The following RBFOX1 variants were observed in gnomAD, a reference collection of about 807,000 sequenced individuals.
RBFOX1 encodes RNA binding fox-1 homolog 1.
A neutral mutation model predicts 57.7 loss-of-function variants in RBFOX1; 8 were observed. The observed-to-expected ratio is 0.14, with a 90% CI of 0.08 to 0.25. The LOEUF (loss-of-function observed/expected upper bound fraction) is 0.25, where lower values mean the gene tolerates loss of function less well. Among genes scored for constraint, RBFOX1 ranks in the 10% least tolerant of loss-of-function variants. The pLI is 1.00. For missense variants in RBFOX1, 611 were observed against 548.5 expected (o/e 1.11, Z -1.14); for synonymous variants, 326 against 222.4 (o/e 1.47, Z -4.15).
intron 4 of RBFOX1, among the ~76,000 whole-genome samples, chr16:5,985,145 C>G (rs528943692): frequency 9.9e-5 from 15 of 150,910 alleles, no homozygotes; most frequent in African/African-American, 3.7e-4. Flanking sequence ...GCCACCATAC[C>G]CGGCTCATAT....
intron 4 of RBFOX1, among the ~76,000 whole-genome samples, chr16:7,304,918 GTGTGTGT>G (rs2096137984): frequency 3.6e-3 from 3 of 840 alleles, no homozygotes; most frequent in African/African-American, 8.2e-3. Flanking sequence ...GTGGTGTGGT[GTGTGTGT>G]GTGTGTGTGT....
intron 1 of RBFOX1, among the ~76,000 whole-genome samples, chr16:5,240,360 G>C (rs1456818288): frequency 6.6e-6 from 1 of 152,030 alleles, no homozygotes; most frequent in African/African-American, 2.4e-5. Context: ...TCTGCGGCTA[G>C]CCAAAAGGGG....
chr16:5,927,362 T>C (rs570784273), intron 4 of RBFOX1, among the ~76,000 whole-genome samples: 2 of 152,340 alleles, frequency 1.3e-5, no homozygotes, highest in South Asian at 2.1e-4. Context: ...AATTACTTTC[T>C]CACTCTAGGC....
intron 2 of RBFOX1, among the ~76,000 whole-genome samples, chr16:6,569,456 A>T (rs1424143572): frequency 6.6e-6 from 1 of 152,192 alleles, no homozygotes; most frequent in East Asian, 1.9e-4. Flanking sequence ...TCCCACAGCT[A>T]ATCAGTGCCA....
intron 4 of RBFOX1, among the ~76,000 whole-genome samples, chr16:7,499,770 G>A (rs755644547): frequency 5.3e-5 from 8 of 152,022 alleles, no homozygotes; most frequent in Non-Finnish European, 8.8e-5. Flanking sequence ...AATATTTAAT[G>A]TCGATCAGCC....
In RBFOX1 at chr16:5,585,204, G is replaced by A. The variant is rs79350950; in HGVS notation, c.259-13698G>A. Among the ~76,000 whole-genome samples the A allele has an allele frequency of 9.6e-3, 1,455 of 151,558 alleles. 15 individuals carry two copies. Among genetic ancestry groups the A allele is most frequent in the Non-Finnish European group, 0.015 (1,027 of 67,670 alleles). Reference sequence around the variant, plus strand: ...CCCCGTCCCTGGAAATCACTAATCTGTTTTCTGTCTCTACAGGATTGCGTT... The same window carrying A: ...CCCCGTCCCTGGAAATCACTAATCTATTTTCTGTCTCTACAGGATTGCGTT... On this transcript the variant is annotated intron_variant, in intron 2 of 2. Coordinates refer to the RBFOX1 transcript ENST00000585867.
At chr16:7,633,239 G>C (rs2061263613) in intron 11 of RBFOX1, among the ~76,000 whole-genome samples, 1 of 152,112 alleles carries the variant, frequency 6.6e-6, no homozygotes, top group African/African-American at 2.4e-5. Flanking sequence ...CAATTTAAAG[G>C]GTCGATTTTA....
intron 3 of RBFOX1, among the ~76,000 whole-genome samples, chr16:6,928,615 T>G (rs914795298): frequency 2.0e-5 from 3 of 152,148 alleles, no homozygotes; most frequent in South Asian, 4.1e-4. Context: ...ACCCTGTAGC[T>G]CCCAAGGTCT....
intron 4 of RBFOX1, among the ~76,000 whole-genome samples, chr16:7,381,531 T>G (rs2097782274): frequency 6.6e-6 from 1 of 151,984 alleles, no homozygotes; most frequent in Non-Finnish European, 1.5e-5. Context: ...TATTAACAGC[T>G]TCACAGTGTT....
At chr16:7,132,048 G>C (rs1044791170) in intron 4 of RBFOX1, among the ~76,000 whole-genome samples, 1 of 140,686 alleles carries the variant, frequency 7.1e-6, no homozygotes, top group African/African-American at 2.7e-5. Flanking sequence ...CTAGAGCGAA[G>C]TGGCACAATA....
chr16:6,472,440 G>A (rs1291529128), intron 2 of RBFOX1, among the ~76,000 whole-genome samples: 1 of 152,114 alleles, frequency 6.6e-6, no homozygotes, highest in East Asian at 1.9e-4. Context: ...TTCTGCACTT[G>A]GCCCAAGTCA....
At chr16:5,802,648 C>G (rs1368644881) in intron 3 of RBFOX1, among the ~76,000 whole-genome samples, 3 of 152,190 alleles carry the variant, frequency 2.0e-5, no homozygotes, top group African/African-American at 7.2e-5. Flanking sequence ...GAGCTAGACC[C>G]TGCAGATTTC....
intron 1 of RBFOX1, among the ~76,000 whole-genome samples, chr16:6,169,457 C>T (rs2096942230): frequency 6.6e-6 from 1 of 152,094 alleles, no homozygotes; most frequent in South Asian, 2.1e-4. Context: ...AAAAAAGCTT[C>T]AGCCAAATTA....
rs575158191 is a variant in RBFOX1 at position 5,901,603 on chromosome 16, A to T, written c.351+34268A>T. Among the ~76,000 whole-genome samples, 38 of 152,294 alleles carry T rather than the reference A, an allele frequency of 2.5e-4. No individual in the cohort carries two copies. In the South Asian group the frequency reaches 7.7e-3, roughly 31 times the overall value. On this transcript the variant is annotated intron_variant, in intron 4 of 19. Coordinates refer to the RBFOX1 transcript ENST00000641259. ...CCCTCAGCCATAACAGCCCCATTTCAAGCAGTCAGAGGCCTCATGGAGCTC... is the reference window on the plus strand; with the variant it reads ...CCCTCAGCCATAACAGCCCCATTTCTAGCAGTCAGAGGCCTCATGGAGCTC...
intron 6 of RBFOX1, among the ~76,000 whole-genome samples, chr16:7,582,727 G>A (rs1052819662): frequency 6.6e-6 from 1 of 152,136 alleles, no homozygotes; most frequent in Admixed American, 6.5e-5. Flanking sequence ...TCCTTTTGGT[G>A]CTCTATCCTG....
chr16:7,498,394 A>G (rs1367923819), intron 4 of RBFOX1, among the ~76,000 whole-genome samples: 1 of 152,102 alleles, frequency 6.6e-6, no homozygotes, highest in Non-Finnish European at 1.5e-5. Flanking sequence ...TATAGCTAGC[A>G]TTGTCCAACA....
chr16:5,724,109 G>A (rs959746578), intron 3 of RBFOX1, among the ~76,000 whole-genome samples: 2 of 152,194 alleles, frequency 1.3e-5, no homozygotes, highest in Non-Finnish European at 2.9e-5. Flanking sequence ...GTGGTGGAGT[G>A]ACAGATGTTG....
chr16:6,869,740 G>C (rs1040956365), intron 3 of RBFOX1, among the ~76,000 whole-genome samples: 2 of 152,176 alleles, frequency 1.3e-5, no homozygotes, highest in Non-Finnish European at 2.9e-5. Context: ...CGTGTTGACT[G>C]ATTGGAAATG....
chr16:7,563,998 C>A (rs1206001938), intron 5 of RBFOX1, among the ~76,000 whole-genome samples: 2 of 152,116 alleles, frequency 1.3e-5, no homozygotes, highest in Admixed American at 6.5e-5. Context: ...CCAGGACAAA[C>A]AATGCTTCTT....
Sources: allele counts gnomAD v4.1 joint callset (sites outside exome capture counted in the v4.1 genomes callset), GRCh38; gene constraint gnomAD v4.1.1; transcripts MANE v1.5; gene names NCBI Gene and HGNC (gene_info 2026-07-23, HGNC 2026-07-21).